PRSS23: variants seen among roughly 807,000 people sequenced by gnomAD.
The protein encoded by PRSS23 is protease, serine 23.
PRSS23 carries 25 observed loss-of-function variants against 34.7 expected under a neutral mutation model. That is an observed-to-expected ratio of 0.72 (90% CI 0.53 to 1.01). PRSS23 has a LOEUF of 1.01. Among genes scored for constraint, PRSS23 ranks in the 50% least tolerant of loss-of-function variants. PRSS23 has a pLI of 0.00. For synonymous variants in PRSS23, 176 were observed against 186.6 expected, an observed-to-expected ratio of 0.94 and a Z score of 0.46; for missense variants, 445 against 475.6, an observed-to-expected ratio of 0.94 and a Z score of 0.60.
At chr11:86,944,567 C>G (rs954624873) in intron 2 of PRSS23, among the ~76,000 whole-genome samples, 20 of 152,166 alleles carry the variant, frequency 1.3e-4, no homozygotes, top group African/African-American at 3.6e-4. Flanking sequence ...CTTCTCCACT[C>G]TAAAGGAAGG....
At chr11:86,935,488 T>C (rs1406160419) in intron 2 of PRSS23, 1 of 152,228 alleles carries the variant, frequency 6.6e-6, no homozygotes, top group Non-Finnish European at 1.5e-5. Flanking sequence ...TTTTTTTGTC[T>C]GTTCATTTTG....
chr11:86,873,721 G>T (rs1948704069), intron 2 of PRSS23, among the ~76,000 whole-genome samples: 1 of 152,166 alleles, frequency 6.6e-6, no homozygotes, highest in African/African-American at 2.4e-5. Flanking sequence ...GGTGAATGTT[G>T]CAAGATGTGA....
chr11:86,831,851 C>T (rs1441934179), intron 2 of PRSS23, among the ~76,000 whole-genome samples: 1 of 151,848 alleles, frequency 6.6e-6, no homozygotes, highest in African/African-American at 2.4e-5. Context: ...TATCCTATGC[C>T]AGTGTTCCTC....
At chr11:86,901,350 T>C (rs879269897) in intron 2 of PRSS23, among the ~76,000 whole-genome samples, 28 of 152,164 alleles carry the variant, frequency 1.8e-4, no homozygotes, top group Non-Finnish European at 2.9e-5. Flanking sequence ...GTTTAGAGAA[T>C]AAATGAATGG....
intron 2 of PRSS23, among the ~76,000 whole-genome samples, chr11:86,942,615 T>C (rs1471309694): frequency 6.6e-6 from 1 of 152,166 alleles, no homozygotes; most frequent in East Asian, 1.9e-4. Flanking sequence ...GAAAATGCAA[T>C]ACATTTGATT....
intron 2 of PRSS23, among the ~76,000 whole-genome samples, chr11:86,850,274 G>C (rs1948519168): frequency 6.6e-6 from 1 of 152,160 alleles, no homozygotes. Context: ...ATGACCCGTT[G>C]GTCCCTCATT....
At chr11:86,856,572 C>G (rs570238889) in intron 2 of PRSS23, among the ~76,000 whole-genome samples, 1 of 152,308 alleles carries the variant, frequency 6.6e-6, no homozygotes, top group Non-Finnish European at 1.5e-5. Flanking sequence ...TATGTCCTGA[C>G]TTAACATCTT....
At chr11:86,911,653 C>A (rs1191297837) in intron 2 of PRSS23, 1 of 152,144 alleles carries the variant, frequency 6.6e-6, no homozygotes, top group African/African-American at 2.4e-5. Flanking sequence ...TGATTTCATT[C>A]TTTTTCACAT....
At chr11:86,796,438 G>A (rs1165798867), upstream of PRSS23, among the ~76,000 whole-genome samples, 1 of 151,686 alleles carries the variant, frequency 6.6e-6, no homozygotes, top group African/African-American at 2.4e-5. Context: ...TCAGGAGATC[G>A]AGACCATCCT....
At chr11:86,827,719 A>G (rs1948314682) in intron 2 of PRSS23, among the ~76,000 whole-genome samples, 1 of 152,168 alleles carries the variant, frequency 6.6e-6, no homozygotes, top group Non-Finnish European at 1.5e-5. Context: ...GTTTCAAAGA[A>G]CAACTTTATT....
chr11:86,951,327 C>A, exon 3 of PRSS23: 1 of 1,614,076 alleles, frequency 6.2e-7, no homozygotes, highest in Non-Finnish European at 8.5e-7. Flanking sequence ...TTCAACATTT[C>A]AACAGCCATG....
chr11:86,875,126 A>T (rs1948713991), intron 2 of PRSS23, among the ~76,000 whole-genome samples: 1 of 152,230 alleles, frequency 6.6e-6, no homozygotes, highest in Non-Finnish European at 1.5e-5. Context: ...CCTACTGGTC[A>T]AAGCAAGCAC....
intron 2 of PRSS23, among the ~76,000 whole-genome samples, chr11:86,841,255 C>G (rs1392522854): frequency 6.7e-6 from 1 of 149,112 alleles, no homozygotes; most frequent in Admixed American, 6.9e-5. Flanking sequence ...AGGAGAATCC[C>G]TTGAACCTGG....
At chr11:86,887,833 C>A (rs960069547) in intron 2 of PRSS23, among the ~76,000 whole-genome samples, 1 of 152,110 alleles carries the variant, frequency 6.6e-6, no homozygotes, top group Admixed American at 6.5e-5. Context: ...GGGCAGATCA[C>A]CTGAGGTCAG....
chr11:86,793,121 G>C (rs1325110201), intron 1 of PRSS23, among the ~76,000 whole-genome samples: 1 of 152,142 alleles, frequency 6.6e-6, no homozygotes, highest in African/African-American at 2.4e-5. Context: ...CTTCTATATT[G>C]TGAACTGTTA....
intron 2 of PRSS23, among the ~76,000 whole-genome samples, chr11:86,907,226 G>GGATA (rs1948949326): frequency 1.3e-5 from 2 of 152,080 alleles, no homozygotes; most frequent in South Asian, 4.2e-4. Flanking sequence ...ATTGACTGAT[G>GGATA]GATAATGTTG....
intron 2 of PRSS23, among the ~76,000 whole-genome samples, chr11:86,926,081 G>C (rs1228011715): frequency 6.6e-6 from 1 of 152,168 alleles, no homozygotes; most frequent in Non-Finnish European, 1.5e-5. Flanking sequence ...CTTCACCCAA[G>C]GCCGGATGCA....
chr11:86,827,586 C>T (rs555576199), intron 2 of PRSS23, among the ~76,000 whole-genome samples: 22 of 151,846 alleles, frequency 1.4e-4, no homozygotes, highest in African/African-American at 4.1e-4. Flanking sequence ...TTGTGATGTT[C>T]GGGTGTCAAT....
At chr11:86,882,652 G>T (rs1948779146) in intron 2 of PRSS23, among the ~76,000 whole-genome samples, 1 of 152,118 alleles carries the variant, frequency 6.6e-6, no homozygotes, top group Admixed American at 6.5e-5. Context: ...GAATAGTGCT[G>T]CAATGAACAT....
Sources: allele counts gnomAD v4.1 joint callset (sites outside exome capture counted in the v4.1 genomes callset), GRCh38; gene constraint gnomAD v4.1.1; transcripts MANE v1.5; gene names NCBI Gene and HGNC (gene_info 2026-07-23, HGNC 2026-07-21).